The following KALRN variants were observed in gnomAD, a reference collection of about 807,000 sequenced individuals.
The protein encoded by KALRN is kalirin.
KALRN carries 70 observed loss-of-function variants against 353.7 expected under a neutral mutation model. The observed-to-expected ratio is 0.20, with a 90% confidence interval of 0.16 to 0.24. The LOEUF is 0.24. Ranked by LOEUF, KALRN falls within the 10% of genes least tolerant of loss-of-function variation. The pLI is 1.00. For missense variants in KALRN, 2,791 were observed against 3,756.7 expected, an observed-to-expected ratio of 0.74 and a Z score of 6.72; for synonymous variants, 1,391 against 1,434.8, an observed-to-expected ratio of 0.97 and a Z score of 0.69.
In KALRN at chr3:124,641,682, A is replaced by G. The variant is rs146032611; in HGVS notation, c.5664+4379A>G. ...TTTGTAAACTGATAATCAAGCATCT[A>G]CAAATGTTAGTTCTTAGCCACCTCG... On this transcript the variant is annotated intron_variant, in intron 37 of 59. Transcript: ENST00000682506. 2.3e-3 allele frequency among the ~76,000 whole-genome samples: 353 copies of G among 152,322 alleles called. 1 individual carries two copies. The highest frequency in any genetic ancestry group is 8.1e-3 in the African/African-American group (338 of 41,552).
In KALRN at chr3:124,724,206, G is replaced by A. The variant is rs922214339; in HGVS notation, c.*4736G>A. On this transcript the variant is annotated 3_prime_UTR_variant, in exon 60 of 60. Coordinates refer to ENST00000682506, the MANE Select transcript of KALRN (RefSeq NM_001388419.1). ...GCAAATATGATATAAACTAAATTTT[G>A]CATTAACTAAAACTTTGTCCCATGC... is the stretch of plus-strand genomic sequence containing the variant. The A allele has an allele frequency of 6.6e-6, 1 of 152,062 alleles. No individual in the cohort carries two copies. The highest frequency in any genetic ancestry group is 2.4e-5 in the African/African-American group (1 of 41,406). 9.4% of individuals were successfully genotyped at this position (152,062 alleles called of 1,614,324 possible).
At chr3:124,498,475 T>C (rs751215641) in intron 33 of KALRN, among the ~76,000 whole-genome samples, 8 of 152,126 alleles carry the variant, frequency 5.3e-5, no homozygotes, top group Non-Finnish European at 1.0e-4. Context: ...AATAAATAAA[T>C]AGAGGGGGCA....
At position 124,225,653 on chromosome 3, in the gene KALRN, A is replaced by G. The variant is rs578130259; in HGVS notation, c.74-2337A>G. On this transcript the variant is annotated intron_variant, in intron 1 of 59. Coordinates refer to ENST00000682506, the MANE Select transcript of KALRN (RefSeq NM_001388419.1). ...AGGTGGGGCACAATGAGTGGGTGTG[A>G]TGGATGAGACTTGGAGCTTCCTCTT... Among the ~76,000 whole-genome samples the G allele has an allele frequency of 2.0e-5, 3 of 152,340 alleles. No individual in the cohort carries two copies. The South Asian group carries it at 6.2e-4, about 32-fold the overall frequency.
At chr3:124,396,257 G>GT (rs11384257) in intron 12 of KALRN, among the ~76,000 whole-genome samples, 43,503 of 151,980 alleles carry the variant, frequency 0.29, 7,967 homozygotes, top group Middle Eastern at 0.49. Flanking sequence ...ATTGGAGAGG[G>GT]TTTTTTTCAC....
intron 6 of KALRN, among the ~76,000 whole-genome samples, chr3:124,300,222 G>T (rs1449806502): frequency 6.6e-6 from 1 of 152,138 alleles, no homozygotes; most frequent in Non-Finnish European, 1.5e-5. Flanking sequence ...AATAATTCTG[G>T]CCTCAAGTTG....
At chr3:124,420,860 C>G (rs1343255924) in intron 14 of KALRN, among the ~76,000 whole-genome samples, 2 of 152,112 alleles carry the variant, frequency 1.3e-5, no homozygotes, top group African/African-American at 4.8e-5. Context: ...TTGGTGGTGG[C>G]AGTGATGGAT....
rs1018642715 is a variant in KALRN at position 124,537,229 on chromosome 3, A to G, written c.4936-25614A>G. On this transcript the variant is annotated intron_variant, in intron 33 of 59. Transcript: ENST00000682506. ...GCTAATTTTTGTATTTTTAGTAGAG[A>G]TGGGGTTTCACCATGTTGGCCAGGC... is the stretch of plus-strand genomic sequence containing the variant. 3.3e-5 allele frequency among the ~76,000 whole-genome samples: 5 copies of G among 152,200 alleles called. No individual in the cohort carries two copies. In the South Asian group the frequency reaches 1.0e-3, roughly 32 times the overall value.
chr3:124,070,602 A>G (rs184960638), intron 1 of KALRN, among the ~76,000 whole-genome samples: 51 of 152,314 alleles, frequency 3.3e-4, no homozygotes, highest in Non-Finnish European at 5.9e-5. Flanking sequence ...ACTGTTTCAC[A>G]TGTTAGGTGT....
intron 47 of KALRN, among the ~76,000 whole-genome samples, chr3:124,668,358 A>G (rs146421392): frequency 9.8e-5 from 15 of 152,348 alleles, no homozygotes; most frequent in African/African-American, 3.1e-4. Flanking sequence ...TTGAGGAGTC[A>G]TGACATTTCT....
At chr3:124,590,653 A>C (rs1258960290) in intron 34 of KALRN, among the ~76,000 whole-genome samples, 1 of 152,086 alleles carries the variant, frequency 6.6e-6, no homozygotes, top group Admixed American at 6.5e-5. Flanking sequence ...AAAGGCCAAG[A>C]AGTGATTGCC....
At chr3:124,621,265 G>C (rs552169421) in intron 34 of KALRN, among the ~76,000 whole-genome samples, 2 of 152,156 alleles carry the variant, frequency 1.3e-5, no homozygotes, top group African/African-American at 2.4e-5. Context: ...TGTGGCCCTT[G>C]CTTTTGTACT....
At chr3:124,132,434 C>T (rs1426095807) in intron 1 of KALRN, among the ~76,000 whole-genome samples, 1 of 152,188 alleles carries the variant, frequency 6.6e-6, no homozygotes, top group Non-Finnish European at 1.5e-5. Flanking sequence ...AGGGAGCCTC[C>T]ATCACTGGGA....
At chr3:124,255,390 C>T (rs1385233494) in intron 3 of KALRN, among the ~76,000 whole-genome samples, 1 of 152,186 alleles carries the variant, frequency 6.6e-6, no homozygotes, top group Non-Finnish European at 1.5e-5. Context: ...GTCCACCTCT[C>T]CTTCTAGAAT....
At chr3:124,401,369 G>A (rs553882918) in intron 13 of KALRN, among the ~76,000 whole-genome samples, 17 of 152,202 alleles carry the variant, frequency 1.1e-4, no homozygotes, top group African/African-American at 4.1e-4. Context: ...ACCGAGTGTG[G>A]TGGTGAGCAC....
chr3:124,462,433 T>G, intron 24 of KALRN, 91 bp from the exon 25 acceptor site: 1 of 722,364 alleles, frequency 1.4e-6, no homozygotes, highest in Non-Finnish European at 2.5e-6. Flanking sequence ...AGTTTGAGTC[T>G]TGCCCCACAA....
intron 14 of KALRN, among the ~76,000 whole-genome samples, chr3:124,415,502 C>T (rs2092445517): frequency 6.6e-6 from 1 of 152,240 alleles, no homozygotes; most frequent in African/African-American, 2.4e-5. Flanking sequence ...ATCAGAATCC[C>T]ATAACATACA....
intron 34 of KALRN, among the ~76,000 whole-genome samples, chr3:124,600,292 A>G (rs925312012): frequency 2.6e-5 from 4 of 152,230 alleles, no homozygotes; most frequent in African/African-American, 4.8e-5. Flanking sequence ...TGTCATTACC[A>G]TGGCTTCTTG....
At chr3:124,620,464 T>G (rs529751184) in intron 34 of KALRN, among the ~76,000 whole-genome samples, 2 of 152,178 alleles carry the variant, frequency 1.3e-5, no homozygotes, top group South Asian at 2.1e-4. Context: ...CTCCACAGTT[T>G]AGAAAAAATG....
At chr3:124,571,246 C>T (rs2073478482) in intron 34 of KALRN, among the ~76,000 whole-genome samples, 1 of 152,220 alleles carries the variant, frequency 6.6e-6, no homozygotes, top group Admixed American at 6.5e-5. Flanking sequence ...ACGCTTAGAG[C>T]AGAACAAAAT....
Sources: gnomAD v4.1 joint callset for allele counts (sites outside exome capture counted in the v4.1 genomes callset) on GRCh38, gnomAD v4.1.1 for gene constraint, MANE v1.5 for transcripts, NCBI Gene and HGNC (gene_info 2026-07-23, HGNC 2026-07-21) for gene names.